DOCK8: variants seen among roughly 807,000 people sequenced by gnomAD.
DOCK8 encodes dedicator of cytokinesis protein 8.
In DOCK8, 141 loss-of-function variants were observed where a neutral mutation model predicts 245.6. The observed-to-expected ratio is 0.57, with a 90% CI of 0.50 to 0.66. The LOEUF is 0.66. Among genes scored for constraint, DOCK8 ranks in the 30% least tolerant of loss-of-function variants. The pLI, the probability that DOCK8 is intolerant of heterozygous loss-of-function variation, is 0.00. For synonymous variants in DOCK8, 1,168 were observed against 970.2 expected (o/e 1.20, Z -3.79); for missense variants, 2,965 against 2,603.4 (o/e 1.14, Z -3.02).
At chr9:216,027 G>A (rs1172977313) in intron 1 of DOCK8, among the ~76,000 whole-genome samples, 1 of 152,136 alleles carries the variant, frequency 6.6e-6, no homozygotes, top group African/African-American at 2.4e-5. Context: ...TGTGTGAAGA[G>A]GTTTGAACAA....
intron 44 of DOCK8, among the ~76,000 whole-genome samples, chr9:447,884 G>C (rs2057313649): frequency 6.6e-6 from 1 of 152,196 alleles, no homozygotes. Context: ...CAGTGACTCA[G>C]TCGGGAGGAG....
At chr9:431,943 C>A (rs901600925) in intron 36 of DOCK8, among the ~76,000 whole-genome samples, 4 of 152,124 alleles carry the variant, frequency 2.6e-5, no homozygotes, top group African/African-American at 9.7e-5. Flanking sequence ...TTAAAGGGAG[C>A]CTGACAGATT....
intron 26 of DOCK8, among the ~76,000 whole-genome samples, chr9:400,229 C>CTT (rs1344772211): frequency 4.1e-5 from 4 of 96,740 alleles, no homozygotes; most frequent in Admixed American, 1.1e-4. Context: ...ACCACCACCT[C>CTT]CACCATCACC....
In DOCK8 at chr9:274,444, G is replaced by A. The variant is rs2048264845; in HGVS notation, c.156+2715G>A. ...TTCTACCTGGAGAACGGAGGCATGT[G>A]GAAGCCCAGAGGATTGAATTCTTTT... On this transcript the variant is annotated intron_variant, in intron 2 of 47. Transcript: ENST00000432829. 2.0e-5 allele frequency among the ~76,000 whole-genome samples: 3 copies of A among 150,394 alleles called. No individual in the cohort carries two copies. The South Asian group carries it at 6.3e-4, about 32-fold the overall frequency.
intron 23 of DOCK8, among the ~76,000 whole-genome samples, chr9:389,732 G>A (rs2054102451): frequency 6.6e-6 from 1 of 152,122 alleles, no homozygotes; most frequent in Non-Finnish European, 1.5e-5. Flanking sequence ...CTGATACACA[G>A]AGGCCGGGCG....
chr9:413,728 A>G (rs781218692), intron 28 of DOCK8, among the ~76,000 whole-genome samples: 25 of 152,368 alleles, frequency 1.6e-4, no homozygotes, highest in Non-Finnish European at 3.2e-4. Flanking sequence ...GAAGATGGAT[A>G]TAATAAAAAA....
intron 1 of DOCK8, among the ~76,000 whole-genome samples, chr9:271,289 C>A (rs1479655052): frequency 6.6e-6 from 1 of 152,180 alleles, no homozygotes; most frequent in Non-Finnish European, 1.5e-5. Flanking sequence ...TACCAGACAT[C>A]CTCACATAGA....
At position 398,052 on chromosome 9, in the gene DOCK8, T is replaced by C. The variant is rs137872916; in HGVS notation, c.3121-1094T>C. 7.9e-5 allele frequency among the ~76,000 whole-genome samples: 12 copies of C among 152,384 alleles called. No homozygotes were observed. In the East Asian group the frequency reaches 1.3e-3, roughly 17 times the overall value. ...GCTTTGTCGTTATTGAGAATGTGCA[T>C]AGTACCAAGTGCTCAGGAGATTTTC... On this transcript the variant is annotated intron_variant, in intron 25 of 47. Transcript: ENST00000432829.
chr9:221,128 A>G (rs1445596185), intron 1 of DOCK8, among the ~76,000 whole-genome samples: 1 of 152,210 alleles, frequency 6.6e-6, no homozygotes, highest in Non-Finnish European at 1.5e-5. Flanking sequence ...ATATGAACAC[A>G]TGTCGATGCA....
chr9:293,379 C>T (rs1204160226), intron 4 of DOCK8, among the ~76,000 whole-genome samples: 1 of 152,216 alleles, frequency 6.6e-6, no homozygotes, highest in Non-Finnish European at 1.5e-5. Flanking sequence ...CTCCCAACCT[C>T]ACACAGTACA....
At chr9:434,079 AT>A (rs1255069004) in intron 38 of DOCK8, 104 bp downstream of exon 38, 3 of 831,042 alleles carry the variant, frequency 3.6e-6, no homozygotes, top group Non-Finnish European at 6.2e-6. Flanking sequence ...GGATATAGTG[AT>A]TTGGATGATA....
chr9:247,586 T>C (rs785833), intron 1 of DOCK8, among the ~76,000 whole-genome samples: 69,838 of 151,796 alleles, frequency 0.46, 16,352 homozygotes, highest in East Asian at 0.69. Flanking sequence ...CAGGCTGAAG[T>C]GCAGTGACGT....
At chr9:303,059 C>T (rs557403362) in intron 4 of DOCK8, among the ~76,000 whole-genome samples, 1 of 151,268 alleles carries the variant, frequency 6.6e-6, no homozygotes, top group Admixed American at 6.6e-5. Flanking sequence ...TACTGGGAGG[C>T]TGAGGTGGGA....
At chr9:224,189 C>T (rs1348862630) in intron 1 of DOCK8, among the ~76,000 whole-genome samples, 2 of 152,156 alleles carry the variant, frequency 1.3e-5, no homozygotes, top group East Asian at 1.9e-4. Context: ...TTCATTCTGA[C>T]AGTGTTTTTC....
At chr9:286,368 C>T (rs2048823582) in intron 2 of DOCK8, 93 bp from the exon 3 acceptor site, 31 of 1,457,414 alleles carry the variant, frequency 2.1e-5, no homozygotes, top group Non-Finnish European at 2.8e-5. Flanking sequence ...CTTACTAAGT[C>T]AAAGGAAAGC....
chr9:371,097 G>T (rs1227138015), intron 16 of DOCK8, among the ~76,000 whole-genome samples: 1 of 152,222 alleles, frequency 6.6e-6, no homozygotes, highest in African/African-American at 2.4e-5. Flanking sequence ...ATGGAAAAAG[G>T]AGGTCACAGC....
At chr9:237,886 T>C (rs572803977) in intron 1 of DOCK8, among the ~76,000 whole-genome samples, 79 of 151,890 alleles carry the variant, frequency 5.2e-4, no homozygotes, top group African/African-American at 1.9e-3. Context: ...GTGATTAATT[T>C]AGAATTCATA....
At chr9:237,177 T>C (rs913095094) in intron 1 of DOCK8, among the ~76,000 whole-genome samples, 1 of 152,262 alleles carries the variant, frequency 6.6e-6, no homozygotes, top group Non-Finnish European at 1.5e-5. Flanking sequence ...TGTTGTCTGA[T>C]AGATAAAAAC....
chr9:428,531 T>G lies in DOCK8; in HGVS notation c.4473+35T>G, dbSNP rs771866971. 3 of 1,612,972 alleles carry G rather than the reference T, an allele frequency of 1.9e-6. No individual in the cohort carries two copies. In the Admixed American group the frequency reaches 5.0e-5, roughly 27 times the overall value. The stretch of plus-strand genomic sequence containing the variant: ...GGATGCTTGTTTTCTTCCTCTTAAT[T>G]AAGAGTAAGATTCTCATCTAGCTTC... On this transcript the variant is annotated intron_variant, in intron 35 of 47. Coordinates refer to ENST00000432829, the MANE Select transcript of DOCK8 (RefSeq NM_203447.4).
Sources: allele counts gnomAD v4.1 joint callset (sites outside exome capture counted in the v4.1 genomes callset), GRCh38; gene constraint gnomAD v4.1.1; transcripts MANE v1.5; gene names NCBI Gene and HGNC (gene_info 2026-07-23, HGNC 2026-07-21).